Variants in DTNB observed in about 807,000 individuals in gnomAD.
DTNB encodes the protein DTN-B.
In DTNB, 63 loss-of-function variants were observed where a neutral mutation model predicts 90.7. The observed-to-expected ratio is 0.69, with a 90% CI of 0.57 to 0.86. DTNB has a LOEUF of 0.86. Ranked by LOEUF, DTNB falls within the 40% of genes least tolerant of loss-of-function variation. DTNB has a pLI of 0.00. For synonymous variants in DTNB, 277 were observed against 286.7 expected, an observed-to-expected ratio of 0.97 and a Z score of 0.34; for missense variants, 744 against 807.1, an observed-to-expected ratio of 0.92 and a Z score of 0.95.
At chr2:25,610,149 C>T (rs1016360533) in intron 4 of DTNB, among the ~76,000 whole-genome samples, 3 of 152,070 alleles carry the variant, frequency 2.0e-5, no homozygotes, top group Non-Finnish European at 4.4e-5. Flanking sequence ...CTCCCTCTGT[C>T]GCCCAGGCTG....
rs547843507 is a variant in DTNB at position 25,664,489 on chromosome 2, G to C, written c.-2+8897C>G. 4.6e-5 allele frequency among the ~76,000 whole-genome samples: 7 copies of C among 152,310 alleles called. No individual in the cohort carries two copies. The East Asian group carries it at 1.3e-3, about 29-fold the overall frequency. On this transcript the variant is annotated intron_variant, in intron 1 of 20. Coordinates refer to ENST00000406818, the MANE Select transcript of DTNB (RefSeq NM_021907.5). ...ACAATATAAGCAGGTAAATAAGGAG[G>C]ATCACAGTATCAGCCCCTCCAGGCG... is the stretch of plus-strand genomic sequence containing the variant.
intron 12 of DTNB, among the ~76,000 whole-genome samples, chr2:25,442,104 T>C (rs1276580367): frequency 6.6e-6 from 1 of 152,196 alleles, no homozygotes; most frequent in Non-Finnish European, 1.5e-5. Flanking sequence ...GTCAACAACA[T>C]CTAGTCTTTT....
chr2:25,422,333 G>T, intron 15 of DTNB, among the ~76,000 whole-genome samples: 1 of 150,508 alleles, frequency 6.6e-6, no homozygotes, highest in South Asian at 2.1e-4. Context: ...ATTTGCAAAT[G>T]AGGTTGAAAT....
At chr2:25,472,445 G>T (rs1355865431) in intron 10 of DTNB, among the ~76,000 whole-genome samples, 1 of 152,148 alleles carries the variant, frequency 6.6e-6, no homozygotes, top group Non-Finnish European at 1.5e-5. Context: ...AGAGAGAGTG[G>T]GACGAGGTAG....
intron 5 of DTNB, among the ~76,000 whole-genome samples, chr2:25,597,106 C>CA (rs552996883): frequency 2.0e-4 from 30 of 152,282 alleles, no homozygotes; most frequent in Admixed American, 1.1e-3. Flanking sequence ...GAGGACTTTT[C>CA]AAACATAGCA....
intron 9 of DTNB, among the ~76,000 whole-genome samples, chr2:25,489,628 G>A (rs918902539): frequency 6.6e-6 from 1 of 151,742 alleles, no homozygotes; most frequent in East Asian, 1.9e-4. Context: ...GGCCAGCCTG[G>A]GTAACACAGC....
chr2:25,511,081 T>C (rs1261967861), intron 9 of DTNB, among the ~76,000 whole-genome samples: 2 of 152,238 alleles, frequency 1.3e-5, no homozygotes, highest in African/African-American at 4.8e-5. Context: ...GTTTCCTACC[T>C]GACAACTTGG....
At chr2:25,431,770 T>C (rs918175534) in intron 14 of DTNB, among the ~76,000 whole-genome samples, 1 of 152,076 alleles carries the variant, frequency 6.6e-6, no homozygotes, top group African/African-American at 2.4e-5. Flanking sequence ...AGACTTACAC[T>C]CTGCCCAAGT....
intron 6 of DTNB, among the ~76,000 whole-genome samples, chr2:25,593,767 A>T (rs2064016121): frequency 6.6e-6 from 1 of 152,208 alleles, no homozygotes; most frequent in South Asian, 2.1e-4. Flanking sequence ...CCAACACCAG[A>T]TTCTCATCGG....
chr2:25,383,093 C>T (rs2038345782), intron 19 of DTNB, among the ~76,000 whole-genome samples: 1 of 152,144 alleles, frequency 6.6e-6, no homozygotes, highest in Admixed American at 6.5e-5. Context: ...AACCATTTGG[C>T]TATTCTAGTC....
chr2:25,660,218 T>C (rs1441659061), intron 1 of DTNB, among the ~76,000 whole-genome samples: 1 of 152,170 alleles, frequency 6.6e-6, no homozygotes, highest in Non-Finnish European at 1.5e-5. Flanking sequence ...TTGTGGCATA[T>C]ACATACAATG....
intron 8 of DTNB, among the ~76,000 whole-genome samples, chr2:25,562,184 C>T (rs1163260628): frequency 6.6e-6 from 1 of 152,172 alleles, no homozygotes; most frequent in Non-Finnish European, 1.5e-5. Flanking sequence ...TGGAGTAACA[C>T]AATATGTGAC....
In DTNB at chr2:25,404,726, G is replaced by A. The variant is rs924747340; in HGVS notation, c.1575+14789C>T. On this transcript the variant is annotated intron_variant, in intron 16 of 20. Coordinates refer to ENST00000406818, the MANE Select transcript of DTNB (RefSeq NM_021907.5). ...AAAAATTAGCCAGGCGTGGTGGCACGCGACTGTAATCCCAGCTACTCGGGA... is the reference window on the plus strand; with the variant it reads ...AAAAATTAGCCAGGCGTGGTGGCACACGACTGTAATCCCAGCTACTCGGGA... 3.3e-5 allele frequency among the ~76,000 whole-genome samples: 5 copies of A among 152,126 alleles called. No individual in the cohort carries two copies. The East Asian group carries it at 7.8e-4, about 24-fold the overall frequency.
intron 19 of DTNB, among the ~76,000 whole-genome samples, chr2:25,380,179 TG>T (rs1247134547): frequency 6.6e-6 from 1 of 152,224 alleles, no homozygotes; most frequent in African/African-American, 2.4e-5. Flanking sequence ...GTTTGCCTGA[TG>T]GTGCTGACCA....
chr2:25,487,109 A>G (rs2066364391), intron 9 of DTNB, among the ~76,000 whole-genome samples: 1 of 152,250 alleles, frequency 6.6e-6, no homozygotes, highest in Non-Finnish European at 1.5e-5. Flanking sequence ...AAGGGAAAGC[A>G]TCACTGTTAC....
At chr2:25,414,186 C>T (rs1483606947) in intron 16 of DTNB, among the ~76,000 whole-genome samples, 1 of 152,074 alleles carries the variant, frequency 6.6e-6, no homozygotes, top group Non-Finnish European at 1.5e-5. Context: ...AGCCCTTTGT[C>T]AGATGAGTAG....
intron 3 of DTNB, among the ~76,000 whole-genome samples, chr2:25,631,219 T>C (rs2075670929): frequency 6.6e-6 from 1 of 152,340 alleles, no homozygotes; most frequent in Non-Finnish European, 1.5e-5. Flanking sequence ...ATGAATTTTA[T>C]GTAATTTTTA....
At chr2:25,467,173 C>T (rs974188663) in intron 10 of DTNB, among the ~76,000 whole-genome samples, 1 of 152,172 alleles carries the variant, frequency 6.6e-6, no homozygotes, top group Non-Finnish European at 1.5e-5. Flanking sequence ...AGAGATTCAT[C>T]TCCATATTTG....
intron 9 of DTNB, among the ~76,000 whole-genome samples, chr2:25,528,334 T>G (rs2077539952): frequency 6.6e-6 from 1 of 152,168 alleles, no homozygotes; most frequent in African/African-American, 2.4e-5. Context: ...CTGAAAGCAT[T>G]CTCTGTGGGA....
Sources: allele counts gnomAD v4.1 joint callset (sites outside exome capture counted in the v4.1 genomes callset), GRCh38; gene constraint gnomAD v4.1.1; transcripts MANE v1.5; gene names NCBI Gene and HGNC (gene_info 2026-07-23, HGNC 2026-07-21).